Variants in OPCML observed in about 807,000 individuals in gnomAD.
The protein encoded by OPCML is opioid binding protein/cell adhesion molecule like, also known as opioid-binding protein/cell adhesion molecule.
In OPCML, 13 loss-of-function variants were observed where a neutral mutation model predicts 37.8. The observed-to-expected ratio is 0.34, with a 90% CI of 0.22 to 0.55. The LOEUF (loss-of-function observed/expected upper bound fraction) is 0.55, where lower values mean the gene tolerates loss of function less well. OPCML is among the 20% of genes least tolerant of loss of function. OPCML has a pLI of 0.91. For synonymous variants in OPCML, 176 were observed against 168.8 expected, an observed-to-expected ratio of 1.04 and a Z score of -0.33; for missense variants, 341 against 435.6, an observed-to-expected ratio of 0.78 and a Z score of 1.93.
intron 7 of OPCML, among the ~76,000 whole-genome samples, chr11:132,435,596 T>C (rs1014389000): frequency 5.9e-5 from 9 of 152,120 alleles, no homozygotes; most frequent in Non-Finnish European, 1.0e-4. Flanking sequence ...GGTTTGCTGC[T>C]CCAGTTGTGG....
At chr11:132,485,856 G>A (rs2096198189) in intron 4 of OPCML, among the ~76,000 whole-genome samples, 1 of 152,144 alleles carries the variant, frequency 6.6e-6, no homozygotes, top group South Asian at 2.1e-4. Context: ...AAACATTCTT[G>A]TACAAATCTT....
chr11:133,057,607 T>A (rs898357796), intron 1 of OPCML, among the ~76,000 whole-genome samples: 1 of 152,206 alleles, frequency 6.6e-6, no homozygotes, highest in Non-Finnish European at 1.5e-5. Context: ...CTTGCAAAGC[T>A]ATAGCCTGCC....
intron 1 of OPCML, among the ~76,000 whole-genome samples, chr11:133,463,831 A>C (rs1206285024): frequency 6.6e-6 from 1 of 152,198 alleles, no homozygotes; most frequent in Non-Finnish European, 1.5e-5. Context: ...AAAATTATGC[A>C]AATTACATGA....
intron 1 of OPCML, among the ~76,000 whole-genome samples, chr11:133,042,198 G>A (rs1947915447): frequency 6.6e-6 from 1 of 152,214 alleles, no homozygotes; most frequent in Non-Finnish European, 1.5e-5. Flanking sequence ...TTCAAGGAAT[G>A]CCGAGGGCCT....
At chr11:133,074,032 C>G (rs1005362682) in intron 1 of OPCML, among the ~76,000 whole-genome samples, 3 of 152,208 alleles carry the variant, frequency 2.0e-5, no homozygotes, top group African/African-American at 7.2e-5. Context: ...CATCCATTCT[C>G]TACATGAATG....
At position 133,206,785 on chromosome 11, in the gene OPCML, G is replaced by T. The variant is rs1033438914; in HGVS notation, c.62-263775C>A. Among the ~76,000 whole-genome samples the T allele has an allele frequency of 6.6e-6, 1 of 152,236 alleles. No individual in the cohort carries two copies. The highest frequency in any genetic ancestry group is 3.4e-3 in the Middle Eastern group (1 of 294). Reference sequence around the variant, plus strand: ...CTGCCTCGGCGGAGTCTTCTGGTCCGCAGGTTTGTGAATGGATGCAGCACC... The same window carrying T: ...CTGCCTCGGCGGAGTCTTCTGGTCCTCAGGTTTGTGAATGGATGCAGCACC... On this transcript the variant is annotated intron_variant, in intron 1 of 7. Coordinates refer to ENST00000524381, the MANE Select transcript of OPCML (RefSeq NM_001012393.5). This position sits in a 1 kb window ranked among gnomAD's most constrained non-coding sequence, Gnocchi z 4.7.
intron 1 of OPCML, among the ~76,000 whole-genome samples, chr11:133,214,872 C>T (rs908450577): frequency 5.9e-5 from 9 of 152,106 alleles, no homozygotes; most frequent in African/African-American, 2.2e-4. Context: ...TGTCACATTA[C>T]ACTTACTTAC....
At chr11:132,927,378 A>G (rs1945030818) in intron 2 of OPCML, among the ~76,000 whole-genome samples, 2 of 152,164 alleles carry the variant, frequency 1.3e-5, no homozygotes, top group Non-Finnish European at 2.9e-5. Context: ...TGCCTCCCAG[A>G]AGGCGGTGGA....
intron 1 of OPCML, among the ~76,000 whole-genome samples, chr11:133,367,104 A>G (rs11223450): frequency 0.092 from 14,036 of 152,030 alleles, 727 homozygotes; most frequent in Admixed American, 0.15. Flanking sequence ...TAAGCTTCCC[A>G]AGTAGCTAGG....
intron 2 of OPCML, among the ~76,000 whole-genome samples, chr11:132,728,678 C>T (rs1242955161): frequency 2.0e-5 from 3 of 151,976 alleles, no homozygotes; most frequent in East Asian, 3.9e-4. Context: ...AGAGTAGCTG[C>T]TACTAAATAT....
chr11:132,598,221 C>T (rs2096495557), intron 3 of OPCML, among the ~76,000 whole-genome samples: 1 of 152,166 alleles, frequency 6.6e-6, no homozygotes, highest in African/African-American at 2.4e-5. Flanking sequence ...TTAGCAATTG[C>T]CAACCTCTTT....
intron 1 of OPCML, among the ~76,000 whole-genome samples, chr11:133,113,585 T>C (rs767501742): frequency 1.3e-5 from 2 of 152,232 alleles, no homozygotes; most frequent in Non-Finnish European, 2.9e-5. Flanking sequence ...CTTTTCATAG[T>C]AGTTCAGAAA....
At chr11:132,491,469 G>T (rs967996658) in intron 4 of OPCML, among the ~76,000 whole-genome samples, 8 of 152,184 alleles carry the variant, frequency 5.3e-5, no homozygotes, top group African/African-American at 1.9e-4. Context: ...CCTGCCTTCA[G>T]ATACCTACTT....
intron 1 of OPCML, among the ~76,000 whole-genome samples, chr11:133,305,302 G>A (rs188923623): frequency 1.7e-4 from 26 of 152,186 alleles, no homozygotes; most frequent in East Asian, 5.8e-4. Flanking sequence ...CTCCAAGGAC[G>A]ACCACAGCAA....
intron 4 of OPCML, among the ~76,000 whole-genome samples, chr11:132,498,997 C>T (rs1484483927): frequency 6.6e-6 from 1 of 152,206 alleles, no homozygotes; most frequent in Non-Finnish European, 1.5e-5. Context: ...CTATTTTAGG[C>T]TTTCTGCGTC....
chr11:133,357,993 C>A (rs1284977532), intron 1 of OPCML, among the ~76,000 whole-genome samples: 1 of 152,144 alleles, frequency 6.6e-6, no homozygotes, highest in Non-Finnish European at 1.5e-5. Flanking sequence ...CACTGCACAC[C>A]ATAGACACTC....
intron 3 of OPCML, among the ~76,000 whole-genome samples, chr11:132,594,651 A>T (rs1160472332): frequency 6.6e-6 from 1 of 152,184 alleles, no homozygotes; most frequent in Admixed American, 6.5e-5. Flanking sequence ...AAAAAAGCAT[A>T]AGTTTTCAAA....
At chr11:132,893,177 T>C (rs1943716127) in intron 2 of OPCML, among the ~76,000 whole-genome samples, 1 of 151,802 alleles carries the variant, frequency 6.6e-6, no homozygotes, top group Non-Finnish European at 1.5e-5. Context: ...GGACAGGAGC[T>C]ATAAAAACTC....
At chr11:132,564,039 T>C (rs940702309) in intron 3 of OPCML, among the ~76,000 whole-genome samples, 3 of 152,158 alleles carry the variant, frequency 2.0e-5, no homozygotes, top group Non-Finnish European at 2.9e-5. Context: ...TGGTCCCTTT[T>C]ATGGGTGAGA....
Sources: allele counts gnomAD v4.1 joint callset (sites outside exome capture counted in the v4.1 genomes callset), GRCh38; gene constraint gnomAD v4.1.1; non-coding constraint Gnocchi (gnomAD v3.1); transcripts MANE v1.5; gene names NCBI Gene and HGNC (gene_info 2026-07-23, HGNC 2026-07-21).